Variants in PTPRT observed in about 807,000 individuals in gnomAD.
The protein encoded by PTPRT is receptor-type tyrosine-protein phosphatase T.
PTPRT carries 56 observed loss-of-function variants against 176.8 expected under a neutral mutation model. The observed-to-expected ratio is 0.32, with a 90% CI of 0.26 to 0.40. The LOEUF (loss-of-function observed/expected upper bound fraction) is 0.40, where lower values mean the gene tolerates loss of function less well. PTPRT is among the 10% of genes least tolerant of loss of function. PTPRT has a pLI of 1.00. For missense variants in PTPRT, 1,540 were observed against 1,908.2 expected, an observed-to-expected ratio of 0.81 and a Z score of 3.60; for synonymous variants, 783 against 739.0, an observed-to-expected ratio of 1.06 and a Z score of -0.96.
At chr20:42,833,428 T>A (rs946878988) in intron 2 of PTPRT, among the ~76,000 whole-genome samples, 1 of 150,372 alleles carries the variant, frequency 6.7e-6, no homozygotes, top group Non-Finnish European at 1.5e-5. Flanking sequence ...AATAAATAAA[T>A]AAAATAAATA....
chr20:42,261,090 A>G (rs552670158), intron 13 of PTPRT, among the ~76,000 whole-genome samples: 2 of 152,292 alleles, frequency 1.3e-5, no homozygotes, highest in African/African-American at 4.8e-5. Flanking sequence ...AGGTTTAAGG[A>G]CAGAAATTTA....
chr20:42,647,377 T>C (rs934827044), intron 7 of PTPRT, among the ~76,000 whole-genome samples: 8 of 152,000 alleles, frequency 5.3e-5, no homozygotes, highest in Non-Finnish European at 1.5e-5. Context: ...AATACATGAA[T>C]AAATAAAGTA....
In PTPRT at chr20:42,154,468, G is replaced by C. The variant is rs374882961; in HGVS notation, c.2682+6884C>G. Among the ~76,000 whole-genome samples the C allele has an allele frequency of 2.2e-4, 34 of 152,286 alleles. 1 individual carries two copies. The East Asian group carries it at 6.2e-3, about 28-fold the overall frequency. Reference sequence around the variant, plus strand: ...CCTTCCCCACAAAAGCCATACATATGGTGTGTCCGTCCTGAGCTGGAAAAT... The same window carrying C: ...CCTTCCCCACAAAAGCCATACATATCGTGTGTCCGTCCTGAGCTGGAAAAT... On this transcript the variant is annotated intron_variant, in intron 17 of 30. Transcript: ENST00000373187.
chr20:42,517,650 C>G (rs537520249), intron 7 of PTPRT, among the ~76,000 whole-genome samples: 1 of 151,962 alleles, frequency 6.6e-6, no homozygotes, highest in East Asian at 1.9e-4. Flanking sequence ...CTAAATACTG[C>G]TTTAACTGCA....
chr20:42,400,975 C>T (rs767294738), intron 9 of PTPRT, among the ~76,000 whole-genome samples: 1 of 151,722 alleles, frequency 6.6e-6, no homozygotes, highest in Non-Finnish European at 1.5e-5. Flanking sequence ...ATGTGGGTTT[C>T]GGGAGGAGGG....
chr20:42,382,149 G>A (rs1414551642), intron 9 of PTPRT, among the ~76,000 whole-genome samples: 1 of 152,126 alleles, frequency 6.6e-6, no homozygotes, highest in East Asian at 1.9e-4. Context: ...CCATATTAAG[G>A]AAAGCTTTTA....
intron 1 of PTPRT, among the ~76,000 whole-genome samples, chr20:43,138,462 T>C (rs2013903033): frequency 6.6e-6 from 1 of 152,202 alleles, no homozygotes; most frequent in South Asian, 2.1e-4. Context: ...TGAGCCTCAG[T>C]TTCCTCATCT....
intron 1 of PTPRT, among the ~76,000 whole-genome samples, chr20:43,055,902 G>C (rs550406086): frequency 3.2e-4 from 49 of 152,354 alleles, no homozygotes; most frequent in African/African-American, 1.1e-3. Context: ...GAAGAGACCA[G>C]CCCAGACTTA....
chr20:42,846,578 C>T (rs2078376218), intron 2 of PTPRT, among the ~76,000 whole-genome samples: 2 of 152,176 alleles, frequency 1.3e-5, no homozygotes, highest in African/African-American at 2.4e-5. Context: ...AAGCTTGGGA[C>T]AATGGCTACA....
chr20:43,119,468 CA>C, intron 1 of PTPRT, among the ~76,000 whole-genome samples: 1 of 152,242 alleles, frequency 6.6e-6, no homozygotes, highest in South Asian at 2.1e-4. Context: ...ACTTCAAAAG[CA>C]ACAATTCCAT....
At chr20:43,095,328 A>G (rs879324771) in intron 1 of PTPRT, among the ~76,000 whole-genome samples, 3 of 152,024 alleles carry the variant, frequency 2.0e-5, no homozygotes, top group African/African-American at 4.8e-5. Flanking sequence ...GTAAATCACT[A>G]TTATTATTTT....
chr20:42,950,687 C>T (rs560859124), intron 1 of PTPRT, among the ~76,000 whole-genome samples: 9 of 152,286 alleles, frequency 5.9e-5, no homozygotes, highest in East Asian at 5.8e-4. Context: ...TAATTGGGTA[C>T]GTGTTTTACA....
intron 17 of PTPRT, 51 bp from the exon 18 acceptor site, chr20:42,142,053 G>A (rs773851272): frequency 2.0e-6 from 3 of 1,512,538 alleles, no homozygotes; most frequent in Admixed American, 1.7e-5. Flanking sequence ...GGAGCTTTAT[G>A]GAAGTGGAGA....
In PTPRT at chr20:42,988,787, C is replaced by T. The variant is rs186172198; in HGVS notation, c.89-102855G>A. ...TTGGCCTCAGGGGTAAAGAGTCAACCGGAGGGACATGCTAGGAATGAGGGC... is the reference window on the plus strand; with the variant it reads ...TTGGCCTCAGGGGTAAAGAGTCAACTGGAGGGACATGCTAGGAATGAGGGC... On this transcript the variant is annotated intron_variant, in intron 1 of 30. Transcript: ENST00000373187. Among the ~76,000 whole-genome samples, 257 of 152,228 alleles carry T rather than the reference C, an allele frequency of 1.7e-3. 2 individuals carry two copies. Among genetic ancestry groups the T allele is most frequent in the African/African-American group, 6.0e-3 (248 of 41,528 alleles).
At chr20:42,963,150 G>C (rs1344845312) in intron 1 of PTPRT, among the ~76,000 whole-genome samples, 1 of 152,062 alleles carries the variant, frequency 6.6e-6, no homozygotes, top group Non-Finnish European at 1.5e-5. Context: ...AGTGAGCTTA[G>C]ATCGCACCAC....
chr20:42,306,394 GA>G (rs1243711776), intron 12 of PTPRT, among the ~76,000 whole-genome samples: 1 of 152,198 alleles, frequency 6.6e-6, no homozygotes, highest in African/African-American at 2.4e-5. Flanking sequence ...TGAGGACTGG[GA>G]AAGAGTTCTA....
intron 28 of PTPRT, 129 bp from the exon 29 acceptor site, chr20:42,084,974 G>T: frequency 1.4e-6 from 1 of 711,448 alleles, no homozygotes; most frequent in Admixed American, 4.2e-5. Flanking sequence ...ATGTCCTCAC[G>T]GGGAGAGTCC....
intron 16 of PTPRT, among the ~76,000 whole-genome samples, chr20:42,198,429 A>G (rs1991318694): frequency 6.6e-6 from 1 of 152,158 alleles, no homozygotes; most frequent in South Asian, 2.1e-4. Flanking sequence ...TATGTGGAGG[A>G]CATCTGTGTT....
intron 1 of PTPRT, among the ~76,000 whole-genome samples, chr20:43,055,379 G>C (rs905974746): frequency 6.6e-6 from 1 of 152,172 alleles, no homozygotes; most frequent in African/African-American, 2.4e-5. Context: ...GGAAAACGTC[G>C]AGGAAACATC....
Sources: gnomAD v4.1 joint callset for allele counts (sites outside exome capture counted in the v4.1 genomes callset) on GRCh38, gnomAD v4.1.1 for gene constraint, MANE v1.5 for transcripts, NCBI Gene and HGNC (gene_info 2026-07-23, HGNC 2026-07-21) for gene names.